The following IL19 variants were observed in gnomAD, a reference collection of about 807,000 sequenced individuals.
IL19 encodes interleukin-19.
IL19 carries 15 observed loss-of-function variants against 19.5 expected under a neutral mutation model. The ratio of observed to expected loss-of-function variants is 0.77; its 90% confidence interval spans 0.52 to 1.19. The LOEUF is 1.19. IL19 is among the 50% of genes most tolerant of loss of function. IL19 has a pLI of 0.00. For missense variants in IL19, 199 were observed against 213.1 expected (o/e 0.93, Z 0.41); for synonymous variants, 78 against 78.3 (o/e 1.00, Z 0.02).
At chr1:206,839,298 G>C (rs1005748142) in intron 4 of IL19, among the ~76,000 whole-genome samples, 1 of 152,210 alleles carries the variant, frequency 6.6e-6, no homozygotes, top group African/African-American at 2.4e-5. Context: ...ACAGACTACA[G>C]GAGAGCTGAG....
chr1:206,787,274 T>A lies in IL19; in HGVS notation c.-148-11587T>A, dbSNP rs545841360. Reference sequence around the variant, plus strand: ...TTTAACAACCTGACTCCACTGAGATTTCATTTTTAAAAAAATCCTCCAGTG... The same window carrying A: ...TTTAACAACCTGACTCCACTGAGATATCATTTTTAAAAAAATCCTCCAGTG... On this transcript the variant is annotated intron_variant, in intron 1 of 6. Transcript: ENST00000659997. Among the ~76,000 whole-genome samples, 4 of 152,302 alleles carry A rather than the reference T, an allele frequency of 2.6e-5. No individual in the cohort carries two copies. In the South Asian group the frequency reaches 8.3e-4, roughly 32 times the overall value.
chr1:206,792,250 G>A (rs750439828), intron 1 of IL19, among the ~76,000 whole-genome samples: 1 of 152,170 alleles, frequency 6.6e-6, no homozygotes, highest in Non-Finnish European at 1.5e-5. Context: ...TCCTGAGTCA[G>A]GGGCAGACCT....
chr1:206,799,624 A>G (rs548603018), intron 2 of IL19, among the ~76,000 whole-genome samples: 59 of 152,314 alleles, frequency 3.9e-4, no homozygotes, highest in African/African-American at 8.4e-4. Flanking sequence ...AATTCAAGGG[A>G]CCAGCCAAGA....
chr1:206,794,948 C>T (rs1675487151), intron 1 of IL19, among the ~76,000 whole-genome samples: 1 of 152,160 alleles, frequency 6.6e-6, no homozygotes, highest in Non-Finnish European at 1.5e-5. Flanking sequence ...TGAGTGCATC[C>T]TTCAGGGCAG....
At chr1:206,809,352 C>T (rs1361050835) in intron 2 of IL19, among the ~76,000 whole-genome samples, 4 of 152,112 alleles carry the variant, frequency 2.6e-5, no homozygotes, top group Non-Finnish European at 5.9e-5. Context: ...GTTAGTTGTA[C>T]TTGGTGTGGG....
intron 1 of IL19, among the ~76,000 whole-genome samples, chr1:206,783,345 A>G (rs963310695): frequency 3.9e-5 from 6 of 152,204 alleles, no homozygotes; most frequent in Admixed American, 1.3e-4. Flanking sequence ...ATGATTTTAA[A>G]AGTATTCTTT....
intron 2 of IL19, among the ~76,000 whole-genome samples, chr1:206,806,249 G>A (rs1204036892): frequency 6.6e-6 from 1 of 152,146 alleles, no homozygotes; most frequent in Non-Finnish European, 1.5e-5. Flanking sequence ...CATATGGACT[G>A]CAAATAAGGG....
chr1:206,836,572 C>A (rs1471344543), intron 2 of IL19, 89 bp from the exon 3 acceptor site: 11 of 1,269,062 alleles, frequency 8.7e-6, no homozygotes, highest in African/African-American at 1.5e-5. Flanking sequence ...GGCTTGCCTT[C>A]GAGGCTGGAA....
intron 2 of IL19, among the ~76,000 whole-genome samples, chr1:206,805,971 A>G (rs530772841): frequency 4.6e-5 from 7 of 152,308 alleles, no homozygotes; most frequent in Admixed American, 2.0e-4. Flanking sequence ...CTGGGTTGCC[A>G]TCATTCTTGG....
intron 6 of IL19, among the ~76,000 whole-genome samples, chr1:206,842,044 C>G (rs2102494002): frequency 6.6e-6 from 1 of 152,302 alleles, no homozygotes; most frequent in South Asian, 2.1e-4. Flanking sequence ...AGCTCTGTTA[C>G]TAACTGGCTG....
intron 1 of IL19, among the ~76,000 whole-genome samples, chr1:206,793,378 C>A (rs1464170320): frequency 6.6e-6 from 1 of 152,224 alleles, no homozygotes; most frequent in African/African-American, 2.4e-5. Flanking sequence ...GGTCATGTAG[C>A]AAGACAGGGC....
intron 4 of IL19, among the ~76,000 whole-genome samples, chr1:206,839,474 A>G (rs1676923260): frequency 6.6e-6 from 1 of 151,908 alleles, no homozygotes; most frequent in South Asian, 2.1e-4. Flanking sequence ...AGTTCTTTTC[A>G]AGAAAGCTGC....
chr1:206,801,991 AC>A (rs1675721010), intron 2 of IL19, among the ~76,000 whole-genome samples: 1 of 152,078 alleles, frequency 6.6e-6, no homozygotes, highest in South Asian at 2.1e-4. Context: ...GAACGAAGGC[AC>A]CTCCATAGAA....
intron 2 of IL19, among the ~76,000 whole-genome samples, chr1:206,812,680 C>G (rs963291745): frequency 6.6e-6 from 1 of 152,112 alleles, no homozygotes; most frequent in African/African-American, 2.4e-5. Context: ...GATTACCCCA[C>G]CACATAAAAA....
At chr1:206,779,854 CTCT>C (rs1437065693) in intron 1 of IL19, among the ~76,000 whole-genome samples, 26 of 145,862 alleles carry the variant, frequency 1.8e-4, no homozygotes, top group African/African-American at 6.9e-4. Flanking sequence ...CTCTCTCTCT[CTCT>C]TTTTTTTTTT....
chr1:206,780,564 G>A (rs116693936), intron 1 of IL19, among the ~76,000 whole-genome samples: 1,925 of 152,230 alleles, frequency 0.013, 48 homozygotes, highest in African/African-American at 0.044. Context: ...TCTTCCAGGC[G>A]GATGTTAACT....
chr1:206,819,251 A>G (rs144749629), intron 2 of IL19, among the ~76,000 whole-genome samples: 174 of 152,266 alleles, frequency 1.1e-3, no homozygotes, highest in African/African-American at 4.0e-3. Flanking sequence ...ATAACCTACT[A>G]GCCACAAGTG....
At chr1:206,788,816 G>T (rs1051410467) in intron 1 of IL19, among the ~76,000 whole-genome samples, 8 of 152,224 alleles carry the variant, frequency 5.3e-5, no homozygotes, top group African/African-American at 1.9e-4. Context: ...TTCCATAGCG[G>T]TTTCTCTTAG....
intron 2 of IL19, among the ~76,000 whole-genome samples, chr1:206,799,453 A>G (rs529164420): frequency 3.0e-4 from 45 of 152,188 alleles, no homozygotes; most frequent in Non-Finnish European, 5.4e-4. Flanking sequence ...ACACAGAGGG[A>G]CTGGAACCAG....
Sources: allele counts gnomAD v4.1 joint callset (sites outside exome capture counted in the v4.1 genomes callset), GRCh38; gene constraint gnomAD v4.1.1; transcripts MANE v1.5; gene names NCBI Gene and HGNC (gene_info 2026-07-23, HGNC 2026-07-21).